Variants in KIAA1671 observed in about 807,000 individuals in gnomAD.
The protein encoded by KIAA1671 is KIAA1671, also known as uncharacterized protein KIAA1671.
KIAA1671 carries 52 observed loss-of-function variants against 131.2 expected under a neutral mutation model. The observed-to-expected ratio is 0.40, with a 90% CI of 0.32 to 0.50. The LOEUF (loss-of-function observed/expected upper bound fraction) is 0.50, where lower values mean the gene tolerates loss of function less well. Among genes scored for constraint, KIAA1671 ranks in the 20% least tolerant of loss-of-function variants. The pLI is 0.73. For missense variants in KIAA1671, 2,360 were observed against 2,364.2 expected (o/e 1.00, Z 0.04); for synonymous variants, 1,003 against 961.6 (o/e 1.04, Z -0.80).
intron 1 of KIAA1671, among the ~76,000 whole-genome samples, chr22:24,961,380 G>T (rs369187277): frequency 6.6e-6 from 1 of 152,188 alleles, no homozygotes; most frequent in African/African-American, 2.4e-5. Context: ...CTGGACATAC[G>T]TGGTCCCTGT....
At chr22:25,123,471 C>T (rs555912541) in intron 6 of KIAA1671, among the ~76,000 whole-genome samples, 7 of 152,258 alleles carry the variant, frequency 4.6e-5, no homozygotes, top group African/African-American at 1.7e-4. Context: ...GGATTACAGG[C>T]GTGAGCTACC....
At chr22:25,019,050 TTG>T (rs377368958) in intron 1 of KIAA1671, among the ~76,000 whole-genome samples, 11,775 of 144,052 alleles carry the variant, frequency 0.082, 513 homozygotes, top group Non-Finnish European at 0.095. Context: ...AATAGTTGTT[TTG>T]TGTGTGTGTG....
intron 1 of KIAA1671, among the ~76,000 whole-genome samples, chr22:25,004,204 C>G (rs1464121193): frequency 6.6e-6 from 1 of 151,546 alleles, no homozygotes; most frequent in Non-Finnish European, 1.5e-5. Flanking sequence ...CAGCCTTGAA[C>G]TCCTGGGCTC....
At chr22:25,188,505 T>C (rs1299039649) in intron 11 of KIAA1671, among the ~76,000 whole-genome samples, 2 of 148,242 alleles carry the variant, frequency 1.3e-5, no homozygotes, top group Non-Finnish European at 3.0e-5. Flanking sequence ...AATAATACAG[T>C]TGATCCCTGA....
At chr22:25,142,247 T>C (rs1932817296) in intron 6 of KIAA1671, among the ~76,000 whole-genome samples, 1 of 152,216 alleles carries the variant, frequency 6.6e-6, no homozygotes, top group African/African-American at 2.4e-5. Flanking sequence ...GTTGATACTC[T>C]TAATTCGTGG....
At chr22:25,001,193 ATG>A (rs550321183) in intron 1 of KIAA1671, among the ~76,000 whole-genome samples, 2 of 149,240 alleles carry the variant, frequency 1.3e-5, no homozygotes, top group Non-Finnish European at 3.0e-5. Flanking sequence ...GTGTGTATAT[ATG>A]TGTGTATGTG....
intron 6 of KIAA1671, among the ~76,000 whole-genome samples, chr22:25,087,132 C>T (rs1031370208): frequency 2.0e-5 from 3 of 151,646 alleles, no homozygotes; most frequent in African/African-American, 7.3e-5. Flanking sequence ...GCATAATAAA[C>T]CTTTATTCTG....
intron 6 of KIAA1671, among the ~76,000 whole-genome samples, chr22:25,140,445 G>C (rs907103104): frequency 1.3e-5 from 2 of 150,834 alleles, no homozygotes; most frequent in Non-Finnish European, 2.9e-5. Context: ...GCACTATCTT[G>C]GCTCCCTGCA....
At chr22:25,137,840 A>G (rs1015540211) in intron 6 of KIAA1671, among the ~76,000 whole-genome samples, 8 of 152,242 alleles carry the variant, frequency 5.3e-5, no homozygotes, top group Non-Finnish European at 1.0e-4. Context: ...TAAACAGTTT[A>G]CAGTGGAGGA....
At chr22:25,009,134 G>A (rs1410107059) in intron 1 of KIAA1671, among the ~76,000 whole-genome samples, 3 of 151,952 alleles carry the variant, frequency 2.0e-5, no homozygotes, top group South Asian at 2.1e-4. Flanking sequence ...AGATGGACCC[G>A]AGACTTCACA....
intron 4 of KIAA1671, among the ~76,000 whole-genome samples, chr22:25,035,361 C>A (rs1438523740): frequency 6.6e-6 from 1 of 152,098 alleles, no homozygotes; most frequent in Admixed American, 6.6e-5. Flanking sequence ...CTTCTATTTT[C>A]TTTTCTCTTG....
chr22:24,979,170 ATTTTTT>A (rs71191010), intron 1 of KIAA1671, among the ~76,000 whole-genome samples: 126 of 81,700 alleles, frequency 1.5e-3, no homozygotes, highest in African/African-American at 6.6e-3. Context: ...TAATTTTTGT[ATTTTTT>A]TTTTTTTTTT....
intron 6 of KIAA1671, among the ~76,000 whole-genome samples, chr22:25,066,363 G>A (rs867245344): frequency 1.3e-5 from 2 of 151,974 alleles, no homozygotes; most frequent in South Asian, 2.1e-4. Context: ...TGCCCAAGCT[G>A]GTCTTGAACT....
chr22:25,150,231 A>G (rs1211027601), intron 6 of KIAA1671, among the ~76,000 whole-genome samples: 1 of 152,190 alleles, frequency 6.6e-6, no homozygotes, highest in Non-Finnish European at 1.5e-5. Context: ...TGCTGTTCTC[A>G]TCACTGCATG....
intron 11 of KIAA1671, among the ~76,000 whole-genome samples, chr22:25,189,806 C>T (rs1345788252): frequency 1.3e-5 from 2 of 152,032 alleles, no homozygotes; most frequent in African/African-American, 4.8e-5. Context: ...AGAATGGGGT[C>T]TCACTGTGTT....
At chr22:25,074,707 TATC>T (rs1929014031) in intron 6 of KIAA1671, among the ~76,000 whole-genome samples, 1 of 152,126 alleles carries the variant, frequency 6.6e-6, no homozygotes, top group African/African-American at 2.4e-5. Flanking sequence ...CAAGTATATT[TATC>T]ATCTATCTGT....
At chr22:25,104,976 T>C (rs972206422) in intron 6 of KIAA1671, among the ~76,000 whole-genome samples, 2 of 152,156 alleles carry the variant, frequency 1.3e-5, no homozygotes, top group Non-Finnish European at 1.5e-5. Flanking sequence ...GTTGAATGAA[T>C]GAATGACCGA....
At chr22:25,101,213 C>T (rs1930648652) in intron 6 of KIAA1671, among the ~76,000 whole-genome samples, 1 of 152,182 alleles carries the variant, frequency 6.6e-6, no homozygotes, top group Non-Finnish European at 1.5e-5. Flanking sequence ...CACCGGGTGG[C>T]CCAGGGAGAT....
intron 6 of KIAA1671, among the ~76,000 whole-genome samples, chr22:25,073,790 A>T (rs1408715031): frequency 6.6e-6 from 1 of 152,130 alleles, no homozygotes. Flanking sequence ...TCTGCCTCCC[A>T]GGTTCAAGCA....
Sources: gnomAD v4.1 joint callset for allele counts (sites outside exome capture counted in the v4.1 genomes callset) on GRCh38, gnomAD v4.1.1 for gene constraint, MANE v1.5 for transcripts, NCBI Gene and HGNC (gene_info 2026-07-23, HGNC 2026-07-21) for gene names.